Variants in SH3KBP1 observed in about 807,000 individuals in gnomAD.
The protein encoded by SH3KBP1 is SH3 domain-containing kinase-binding protein 1.
A neutral mutation model predicts 50.1 loss-of-function variants in SH3KBP1; 8 were observed. The observed-to-expected ratio is 0.16, with a 90% CI of 0.09 to 0.29. SH3KBP1 has a LOEUF of 0.29. Ranked by LOEUF, SH3KBP1 falls within the 10% of genes least tolerant of loss-of-function variation. The pLI is 1.00. For missense variants in SH3KBP1, 377 were observed against 535.2 expected (o/e 0.70, Z 2.92); for synonymous variants, 227 against 218.6 (o/e 1.04, Z -0.34).
intron 6 of SH3KBP1, among the ~76,000 whole-genome samples, chrX:19,665,450 G>A (rs990791578): frequency 1.8e-5 from 2 of 112,043 alleles, no homozygotes; most frequent in Non-Finnish European, 3.8e-5. Context: ...TGATAAAGAA[G>A]TGTCTTTTAG....
intron 7 of SH3KBP1, among the ~76,000 whole-genome samples, chrX:19,640,272 G>A (rs1211796600): frequency 2.7e-5 from 3 of 111,425 alleles, no homozygotes; most frequent in African/African-American, 9.8e-5. Context: ...TTCATTTCCA[G>A]CCCAAGTGCA....
At chrX:19,790,043 T>C (rs2066484024) in intron 2 of SH3KBP1, among the ~76,000 whole-genome samples, 1 of 104,170 alleles carries the variant, frequency 9.6e-6, no homozygotes. Flanking sequence ...CCACCTCCTC[T>C]AAGAGGCCCA....
chrX:19,847,308 C>G, intron 1 of SH3KBP1, among the ~76,000 whole-genome samples: 1 of 111,429 alleles, frequency 9.0e-6, no homozygotes. Context: ...AAAACAGAAG[C>G]TGATGGGCCT....
chrX:19,679,044 C>T (rs753380142), intron 6 of SH3KBP1, among the ~76,000 whole-genome samples: 2 of 111,115 alleles, frequency 1.8e-5, no homozygotes, highest in Non-Finnish European at 3.8e-5. Flanking sequence ...AATAACTCTA[C>T]GCCTACTGGA....
intron 2 of SH3KBP1, among the ~76,000 whole-genome samples, chrX:19,793,313 A>AATATATATATATAT (rs777838672): frequency 2.1e-5 from 2 of 96,985 alleles, no homozygotes; most frequent in African/African-American, 7.8e-5. Context: ...AGGAAAAAAA[A>AATATATATATATAT]ATATATATAT....
At chrX:19,849,270 AAT>A (rs763449140) in intron 1 of SH3KBP1, among the ~76,000 whole-genome samples, 9 of 111,762 alleles carry the variant, frequency 8.1e-5, no homozygotes, top group Non-Finnish European at 1.3e-4. Flanking sequence ...AACGTCCGAA[AAT>A]ATGTTAAATG....
chrX:19,584,288 T>A (rs1224429178), intron 12 of SH3KBP1, among the ~76,000 whole-genome samples: 1 of 94,949 alleles, frequency 1.1e-5, no homozygotes, highest in African/African-American at 3.9e-5. Flanking sequence ...TATAAATATA[T>A]TTATATTTAT....
chrX:19,537,372 C>T (rs1162738315), intron 17 of SH3KBP1, among the ~76,000 whole-genome samples: 1 of 109,419 alleles, frequency 9.1e-6, no homozygotes, highest in South Asian at 3.9e-4. Flanking sequence ...GCAGGAGAAT[C>T]GCTTGAACCC....
intron 2 of SH3KBP1, among the ~76,000 whole-genome samples, chrX:19,754,538 C>T (rs2065153567): frequency 9.0e-6 from 1 of 111,516 alleles, no homozygotes; most frequent in Admixed American, 9.6e-5. Context: ...AGGAGTCTTG[C>T]TCTGTCATAA....
intron 1 of SH3KBP1, among the ~76,000 whole-genome samples, chrX:19,857,659 T>A (rs924456324): frequency 1.8e-5 from 2 of 110,776 alleles, no homozygotes; most frequent in African/African-American, 6.6e-5. Context: ...GAGGCGGAGG[T>A]TGCAGTGAAC....
At chrX:19,884,327 TTGGA>T (rs777068068) in intron 1 of SH3KBP1, among the ~76,000 whole-genome samples, 2 of 112,476 alleles carry the variant, frequency 1.8e-5, no homozygotes, top group Middle Eastern at 4.6e-3. Context: ...TCAACAAACA[TTGGA>T]TGGATGGATG....
At chrX:19,536,521 G>T in intron 17 of SH3KBP1, 63 bp from the exon 18 acceptor site, 2 of 741,534 alleles carry the variant, frequency 2.7e-6, no homozygotes, top group Non-Finnish European at 4.0e-6. Flanking sequence ...TATAGAAGCT[G>T]AAAGATTATC....
intron 1 of SH3KBP1, among the ~76,000 whole-genome samples, chrX:19,857,781 A>C (rs187043149): frequency 3.6e-5 from 4 of 111,756 alleles, no homozygotes; most frequent in East Asian, 2.8e-4. Flanking sequence ...ATGTGAGTAC[A>C]AGTAAAAACG....
At chrX:19,726,035 G>C (rs1027413947) in intron 3 of SH3KBP1, among the ~76,000 whole-genome samples, 6 of 111,951 alleles carry the variant, frequency 5.4e-5, no homozygotes, top group African/African-American at 2.0e-4. Flanking sequence ...TTAGGGAATC[G>C]TATGCTTCAT....
intron 3 of SH3KBP1, among the ~76,000 whole-genome samples, chrX:19,717,769 G>A (rs1462813289): frequency 9.0e-6 from 1 of 111,314 alleles, no homozygotes; most frequent in African/African-American, 3.3e-5. Flanking sequence ...GCCTCTAACT[G>A]CTTTCCTCTT....
chrX:19,697,254 T>A (rs1446988839), intron 4 of SH3KBP1, among the ~76,000 whole-genome samples: 1 of 111,699 alleles, frequency 9.0e-6, no homozygotes, highest in Non-Finnish European at 1.9e-5. Context: ...GTATTACCAA[T>A]CCAAATTAAT....
chrX:19,849,585 C>T (rs1229577058), intron 1 of SH3KBP1, among the ~76,000 whole-genome samples: 1 of 104,828 alleles, frequency 9.5e-6, no homozygotes, highest in African/African-American at 3.5e-5. Flanking sequence ...GCTACTTAGG[C>T]GGCTGAGGCA....
chrX:19,883,847 C>T (rs756084990), intron 1 of SH3KBP1, among the ~76,000 whole-genome samples: 1 of 111,591 alleles, frequency 9.0e-6, no homozygotes, highest in East Asian at 2.8e-4. Context: ...CTCCAATGTT[C>T]CCTGCTCCTA....
intron 2 of SH3KBP1, among the ~76,000 whole-genome samples, chrX:19,792,464 T>TA (rs1438820459): frequency 9.0e-6 from 1 of 110,799 alleles, no homozygotes; most frequent in South Asian, 3.8e-4. Context: ...ATTTTTAACT[T>TA]AAAAAAATGT....
Sources: allele counts gnomAD v4.1 joint callset (sites outside exome capture counted in the v4.1 genomes callset), GRCh38; gene constraint gnomAD v4.1.1; transcripts MANE v1.5; gene names NCBI Gene and HGNC (gene_info 2026-07-23, HGNC 2026-07-21).